TNRC6C: variants seen among roughly 807,000 people sequenced by gnomAD.
TNRC6C encodes trinucleotide repeat-containing gene 6C protein.
A neutral mutation model predicts 153.7 loss-of-function variants in TNRC6C; 20 were observed. The observed-to-expected ratio is 0.13, with a 90% CI of 0.09 to 0.19. TNRC6C has a LOEUF of 0.19. Among genes scored for constraint, TNRC6C ranks in the 10% least tolerant of loss-of-function variants. The pLI is 1.00. For missense variants in TNRC6C, 1,987 were observed against 2,172.0 expected (o/e 0.91, Z 1.69); for synonymous variants, 811 against 841.4 (o/e 0.96, Z 0.63).
chr17:77,991,491 T>TCTAAC (rs1465151739), intron 1 of TNRC6C, among the ~76,000 whole-genome samples: 7 of 152,200 alleles, frequency 4.6e-5, no homozygotes, highest in Non-Finnish European at 1.0e-4. Context: ...TTGTGGTCAC[T>TCTAAC]TGAATGTGAA....
rs533734435 is a variant in TNRC6C at position 77,975,380 on chromosome 17, T to C, written c.-38+16112T>C. ...AAGATAATGAGCATATCCACTGAGG[T>C]TGAGTGTTGAAATGTGCTGGTGGGA... On this transcript the variant is annotated intron_variant, in intron 1 of 22. Transcript: ENST00000636222. Among the ~76,000 whole-genome samples the C allele has an allele frequency of 5.3e-5, 8 of 151,882 alleles. No homozygotes were observed. The South Asian group carries it at 1.3e-3, about 24-fold the overall frequency.
rs115259128 is a variant in TNRC6C at position 78,022,527 on chromosome 17, T to C, written c.-545-8989T>C. On this transcript the variant is annotated intron_variant, in intron 1 of 19. Transcript: ENST00000301624. ...TTAACAGCAGCATGGTGGAAAAGCA[T>C]GGTCAGAGATGTGAGTTCTAGTCCC... Among the ~76,000 whole-genome samples the C allele has an allele frequency of 8.1e-3, 1,228 of 152,320 alleles. 19 individuals are homozygous for C. Among genetic ancestry groups the C allele is most frequent in the African/African-American group, 0.027 (1,138 of 41,574 alleles).
chr17:78,030,870 G>A (rs534233847), intron 1 of TNRC6C, among the ~76,000 whole-genome samples: 4 of 152,164 alleles, frequency 2.6e-5, no homozygotes, highest in South Asian at 2.1e-4. Flanking sequence ...AGGCTGAGGC[G>A]AGCGGATCAC....
chr17:78,092,060 G>T (rs911106859), intron 14 of TNRC6C, among the ~76,000 whole-genome samples: 1 of 152,172 alleles, frequency 6.6e-6, no homozygotes, highest in Non-Finnish European at 1.5e-5. Flanking sequence ...CCAAACTGGT[G>T]TCCCCATCGG....
exon 15 of TNRC6C, chr17:78,092,946 A>T (rs1167457697): frequency 1.2e-6 from 2 of 1,613,618 alleles, no homozygotes; most frequent in Non-Finnish European, 1.7e-6. Context: ...CTATCCCTGG[A>T]GGTCTAAGCA....
chr17:78,005,753 C>T (rs2071485580), intron 1 of TNRC6C, among the ~76,000 whole-genome samples: 1 of 152,144 alleles, frequency 6.6e-6, no homozygotes, highest in African/African-American at 2.4e-5. Context: ...CAAGTTACTT[C>T]ACTTCTTTAG....
intron 4 of TNRC6C, among the ~76,000 whole-genome samples, chr17:78,067,496 G>A (rs2072905490): frequency 1.3e-5 from 2 of 152,190 alleles, no homozygotes; most frequent in South Asian, 4.1e-4. Context: ...GTTTCAGAAT[G>A]ATGTGTAGTT....
At chr17:78,033,834 T>C (rs1203123068) in intron 2 of TNRC6C, among the ~76,000 whole-genome samples, 1 of 152,148 alleles carries the variant, frequency 6.6e-6, no homozygotes, top group Non-Finnish European at 1.5e-5. Context: ...AACAAAAATC[T>C]TCATTTTATA....
intron 2 of TNRC6C, among the ~76,000 whole-genome samples, chr17:78,045,547 T>G (rs1253144088): frequency 1.3e-5 from 2 of 152,004 alleles, no homozygotes; most frequent in Non-Finnish European, 2.9e-5. Context: ...CAAAGCAGTC[T>G]GGGCTGTACA....
At chr17:77,962,156 A>T (rs944947518) in intron 1 of TNRC6C, among the ~76,000 whole-genome samples, 4 of 152,166 alleles carry the variant, frequency 2.6e-5, no homozygotes, top group African/African-American at 9.7e-5. Flanking sequence ...GACATTTTTT[A>T]AAAAAGACTA....
At chr17:78,002,525 T>G (rs2071428309), upstream of TNRC6C, among the ~76,000 whole-genome samples, 1 of 152,250 alleles carries the variant, frequency 6.6e-6, no homozygotes, top group African/African-American at 2.4e-5. Flanking sequence ...TTTGTTTTAC[T>G]GATTTTTGTA....
chr17:77,988,449 T>G (rs1012755397), intron 1 of TNRC6C, among the ~76,000 whole-genome samples: 7 of 152,224 alleles, frequency 4.6e-5, no homozygotes, highest in African/African-American at 1.7e-4. Context: ...ATTTCTTCTC[T>G]TCATCTGCCC....
At chr17:78,045,146 G>A (rs55756584) in intron 2 of TNRC6C, among the ~76,000 whole-genome samples, 1,949 of 152,298 alleles carry the variant, frequency 0.013, 16 homozygotes, top group Non-Finnish European at 0.022. Context: ...ACATTATTGT[G>A]GGTGGGGCAG....
At position 78,028,913 on chromosome 17, in the gene TNRC6C, T is replaced by C. The variant is rs561909324; in HGVS notation, c.-545-2603T>C. Among the ~76,000 whole-genome samples, 71 of 152,336 alleles carry C rather than the reference T, an allele frequency of 4.7e-4. 1 individual carries two copies. Among genetic ancestry groups the C allele is most frequent in the African/African-American group, 1.6e-3 (65 of 41,582 alleles). On this transcript the variant is annotated intron_variant, in intron 1 of 19. Coordinates refer to ENST00000301624, the Ensembl canonical transcript of TNRC6C. ...GTACAAGATGAGGTGGGACTGACTATTGAGGCGCCGACTCTTGCACTTTAC... is the reference window on the plus strand; with the variant it reads ...GTACAAGATGAGGTGGGACTGACTACTGAGGCGCCGACTCTTGCACTTTAC...
intron 1 of TNRC6C, among the ~76,000 whole-genome samples, chr17:77,970,323 G>A (rs1936720352): frequency 1.3e-5 from 2 of 152,112 alleles, no homozygotes; most frequent in Admixed American, 6.5e-5. Flanking sequence ...ACAGCTCATC[G>A]CAGCCTCAGC....
upstream of TNRC6C, among the ~76,000 whole-genome samples, chr17:78,003,303 A>G (rs1450115147): frequency 6.6e-6 from 1 of 152,214 alleles, no homozygotes; most frequent in Non-Finnish European, 1.5e-5. Flanking sequence ...AGTTGAGGAA[A>G]GGCTTTCAGA....
chr17:78,104,874 C>A lies in TNRC6C; in HGVS notation c.*29C>A. On this transcript the variant is annotated 3_prime_UTR_variant, in exon 20 of 20. Coordinates refer to ENST00000301624, the Ensembl canonical transcript of TNRC6C. The surrounding 1 kb of genome is among the most constrained non-coding windows in gnomAD (Gnocchi z 6.2). The stretch of plus-strand genomic sequence containing the variant: ...CTGCCATCATCAGCACCAGGAGAGC[C>A]GACCCCTCCCGGGACCCCTCCCGGC... 7.1e-7 allele frequency: 1 copy of A among 1,400,128 alleles called. No individual in the cohort carries two copies. The highest frequency in any genetic ancestry group is 9.2e-7 in the Non-Finnish European group (1 of 1,081,778). The allele number at this position is 1,400,128 out of a possible 1,614,324, so 86.7% of individuals were successfully genotyped here.
At chr17:77,961,787 G>A (rs978219512) in intron 1 of TNRC6C, among the ~76,000 whole-genome samples, 2 of 151,930 alleles carry the variant, frequency 1.3e-5, no homozygotes, top group African/African-American at 4.8e-5. Context: ...TTTGACATTC[G>A]GTGATTAAAA....
At chr17:78,088,097 A>G (rs1433738938) in intron 13 of TNRC6C, among the ~76,000 whole-genome samples, 1 of 152,264 alleles carries the variant, frequency 6.6e-6, no homozygotes, top group Non-Finnish European at 1.5e-5. Flanking sequence ...AGCAGATAAT[A>G]TTCATTTATC....
Sources: gnomAD v4.1 joint callset for allele counts (sites outside exome capture counted in the v4.1 genomes callset) on GRCh38, gnomAD v4.1.1 for gene constraint, Gnocchi (gnomAD v3.1) non-coding constraint, MANE v1.5 for transcripts, NCBI Gene and HGNC (gene_info 2026-07-23, HGNC 2026-07-21) for gene names.